The following GABBR2 variants were observed in gnomAD, a reference collection of about 807,000 sequenced individuals.
GABBR2 encodes gamma-aminobutyric acid type B receptor subunit 2, also known as G-protein coupled receptor 51.
In GABBR2, 23 loss-of-function variants were observed where a neutral mutation model predicts 105.6. That is an observed-to-expected ratio of 0.22 (90% CI 0.16 to 0.31). GABBR2 has a LOEUF of 0.31. Ranked by LOEUF, GABBR2 falls within the 10% of genes least tolerant of loss-of-function variation. The pLI is 1.00. For missense variants in GABBR2, 734 were observed against 1,245.5 expected, an observed-to-expected ratio of 0.59 and a Z score of 6.18; for synonymous variants, 478 against 499.7, an observed-to-expected ratio of 0.96 and a Z score of 0.58.
intron 1 of GABBR2, among the ~76,000 whole-genome samples, chr9:98,645,817 G>A (rs1830022439): frequency 6.6e-6 from 1 of 152,200 alleles, no homozygotes; most frequent in African/African-American, 2.4e-5. Context: ...AGTAAGTATT[G>A]CTTGGTGCTT....
Position 98,422,510 on chromosome 9 carries a change from G to GTGTGTGTGTGTGTGTGTC in GABBR2, c.1237-16370_1237-16369insGACACACACACACACACA, listed in dbSNP as rs1285527625. 1.3e-4 allele frequency among the ~76,000 whole-genome samples: 19 copies of GTGTGTGTGTGTGTGTGTC among 151,276 alleles called. No individual in the cohort carries two copies. In the East Asian group the frequency reaches 3.0e-3, roughly 24 times the overall value. ...GCTTAATGCACCTGTGTGTGTGTGT[G>GTGTGTGTGTGTGTGTGTC]TGTGTGTGTGTCTGTGTGTGTGTCT... is the stretch of plus-strand genomic sequence containing the variant. On this transcript the variant is annotated intron_variant, in intron 7 of 18. Transcript: ENST00000259455.
intron 1 of GABBR2, among the ~76,000 whole-genome samples, chr9:98,703,516 A>C (rs2131888778): frequency 6.6e-6 from 1 of 152,290 alleles, no homozygotes; most frequent in Admixed American, 6.5e-5. Context: ...TTTTTGAGAC[A>C]GAGTCTTGCT....
chr9:98,460,968 G>A (rs1826415580), intron 6 of GABBR2, among the ~76,000 whole-genome samples: 3 of 152,172 alleles, frequency 2.0e-5, no homozygotes, highest in East Asian at 3.8e-4. Context: ...AGAAACAATG[G>A]AAGCCAGAAG....
intron 3 of GABBR2, among the ~76,000 whole-genome samples, chr9:98,538,908 T>C (rs1041900237): frequency 2.7e-5 from 4 of 150,614 alleles, no homozygotes; most frequent in Non-Finnish European, 5.9e-5. Context: ...AGGAGTCAGC[T>C]GGGCTGAGAG....
At chr9:98,341,230 T>C (rs753404046) in intron 13 of GABBR2, among the ~76,000 whole-genome samples, 33 of 152,228 alleles carry the variant, frequency 2.2e-4, no homozygotes, top group Admixed American at 3.3e-4. Flanking sequence ...AGAGCTATTC[T>C]GTCCATACAC....
chr9:98,597,889 G>A (rs552564117), intron 1 of GABBR2, among the ~76,000 whole-genome samples: 4 of 151,956 alleles, frequency 2.6e-5, no homozygotes, highest in East Asian at 3.9e-4. Context: ...GTGCAATCTC[G>A]GCTCACTGTA....
At chr9:98,377,340 C>T (rs1338659871) in intron 11 of GABBR2, among the ~76,000 whole-genome samples, 1 of 152,104 alleles carries the variant, frequency 6.6e-6, no homozygotes, top group African/African-American at 2.4e-5. Flanking sequence ...AGTGGCCACA[C>T]CATGTGATTG....
At position 98,294,143 on chromosome 9, in the gene GABBR2, G is replaced by A. The variant is rs111814975; in HGVS notation, c.2543-241C>T. On this transcript the variant is annotated intron_variant, in intron 17 of 18. Coordinates refer to ENST00000259455, the MANE Select transcript of GABBR2 (RefSeq NM_005458.8). ...TGGGGATGTGTGTGGCATGCCCCAC[G>A]CTCTCCTTTCCAAGAACAAAAAGGG... Among the ~76,000 whole-genome samples, 572 of 152,196 alleles carry A rather than the reference G, an allele frequency of 3.8e-3. 1 individual carries two copies. Among genetic ancestry groups the A allele is most frequent in the African/African-American group, 0.013 (534 of 41,516 alleles).
chr9:98,465,630 A>G (rs529672999), intron 6 of GABBR2, among the ~76,000 whole-genome samples: 3 of 152,356 alleles, frequency 2.0e-5, no homozygotes, highest in African/African-American at 7.2e-5. Flanking sequence ...TCTATACAAA[A>G]TGATACCACA....
At chr9:98,515,182 C>T (rs1040418096) in intron 3 of GABBR2, among the ~76,000 whole-genome samples, 3 of 152,152 alleles carry the variant, frequency 2.0e-5, no homozygotes, top group Non-Finnish European at 4.4e-5. Flanking sequence ...GATGGAGGGG[C>T]AGACGAGACT....
At position 98,306,246 on chromosome 9, in the gene GABBR2, T is replaced by G. The variant is rs561230537; in HGVS notation, c.2104A>C (p.Met702Leu). 1 of 1,614,162 alleles carries G rather than the reference T, an allele frequency of 6.2e-7. No individual in the cohort carries two copies. The highest frequency in any genetic ancestry group is 1.3e-5 in the African/African-American group (1 of 75,054). ...IGMSVYNVGI[M>L]CIIGAAVSFL... is the part of the protein sequence containing the mutation. The stretch of plus-strand genomic sequence containing the variant: ...GAGACAGCGGCCCCGATGATGCACA[T>G]GATCCCCACGTTGTAGACACTCATC... The change falls in exon 15 of 19, where the codon ATG becomes CTG. Residue 702 changes from methionine (M) to leucine (L), a missense_variant. Transcript: ENST00000259455. The surrounding 1 kb of genome is among the most constrained non-coding windows in gnomAD (Gnocchi z 5.4).
At chr9:98,302,672 G>A (rs71496890) in intron 16 of GABBR2, among the ~76,000 whole-genome samples, 9 of 152,142 alleles carry the variant, frequency 5.9e-5, no homozygotes, top group Non-Finnish European at 1.3e-4. Context: ...TAGAGGAGGG[G>A]AGGTAATTTG....
chr9:98,376,841 G>A (rs1330135854), intron 11 of GABBR2, among the ~76,000 whole-genome samples: 1 of 152,184 alleles, frequency 6.6e-6, no homozygotes, highest in Non-Finnish European at 1.5e-5. Context: ...TGGAACCCGA[G>A]TCAGGGCCTA....
At chr9:98,484,995 G>T (rs935911228) in intron 4 of GABBR2, among the ~76,000 whole-genome samples, 1 of 152,180 alleles carries the variant, frequency 6.6e-6, no homozygotes, top group Non-Finnish European at 1.5e-5. Flanking sequence ...GCAGTAGTAG[G>T]GGGTAGGGAG....
chr9:98,620,352 C>A (rs772952084), intron 1 of GABBR2, among the ~76,000 whole-genome samples: 2 of 151,688 alleles, frequency 1.3e-5, no homozygotes, highest in East Asian at 3.9e-4. Context: ...TATCACCTAA[C>A]GTTAAGGACC....
At chr9:98,358,930 G>A (rs1468146009) in intron 13 of GABBR2, among the ~76,000 whole-genome samples, 1 of 152,154 alleles carries the variant, frequency 6.6e-6, no homozygotes, top group Non-Finnish European at 1.5e-5. Context: ...CACCTGGGGT[G>A]GAATCCAGGC....
intron 2 of GABBR2, among the ~76,000 whole-genome samples, chr9:98,574,984 T>C (rs1007715881): frequency 1.2e-4 from 19 of 152,260 alleles, no homozygotes; most frequent in Non-Finnish European, 1.8e-4. Context: ...AGATTTCTAA[T>C]GAAGACTGTG....
At chr9:98,299,461 G>C in intron 16 of GABBR2, 108 bp from the exon 17 acceptor site, 1 of 1,156,258 alleles carries the variant, frequency 8.6e-7, no homozygotes, top group African/African-American at 1.5e-5. Context: ...CTGTATTCAG[G>C]AGTGCCCTGA....
At chr9:98,417,858 C>T (rs972882977) in intron 7 of GABBR2, among the ~76,000 whole-genome samples, 1 of 152,068 alleles carries the variant, frequency 6.6e-6, no homozygotes, top group African/African-American at 2.4e-5. Context: ...AGAAGAATGA[C>T]CATGTTACCC....
Sources: gnomAD v4.1 joint callset for allele counts (sites outside exome capture counted in the v4.1 genomes callset) on GRCh38, gnomAD v4.1.1 for gene constraint, Gnocchi (gnomAD v3.1) non-coding constraint, MANE v1.5 for transcripts, NCBI Gene and HGNC (gene_info 2026-07-23, HGNC 2026-07-21) for gene names.